GLI2: variants seen among roughly 807,000 people sequenced by gnomAD.
The protein encoded by GLI2 is transcription activator GLI2.
GLI2 carries 22 observed loss-of-function variants against 78.9 expected under a neutral mutation model. That is an observed-to-expected ratio of 0.28 (90% confidence interval 0.20 to 0.40). The LOEUF is 0.40. GLI2 is among the 10% of genes least tolerant of loss of function. The pLI is 1.00. For synonymous variants in GLI2, 974 were observed against 963.7 expected (o/e 1.01, Z -0.20); for missense variants, 2,097 against 2,213.2 (o/e 0.95, Z 1.05).
chr2:120,913,467 T>C (rs1216710869), intron 2 of GLI2, among the ~76,000 whole-genome samples: 1 of 152,242 alleles, frequency 6.6e-6, no homozygotes, highest in Non-Finnish European at 1.5e-5. Flanking sequence ...TTTAGTTTTT[T>C]TTAAATGTGG....
At chr2:120,822,793 G>C (rs1685844195) in intron 2 of GLI2, among the ~76,000 whole-genome samples, 1 of 152,162 alleles carries the variant, frequency 6.6e-6, no homozygotes, top group Non-Finnish European at 1.5e-5. Context: ...AACTCCCTGG[G>C]CTTTTGAAAT....
chr2:120,958,011 G>A (rs967340650), intron 5 of GLI2, among the ~76,000 whole-genome samples: 1 of 152,176 alleles, frequency 6.6e-6, no homozygotes, highest in Admixed American at 6.5e-5. Flanking sequence ...GGCCAGCCGG[G>A]CCAGGTGGAC....
At chr2:120,875,980 C>T (rs1688716587) in intron 2 of GLI2, among the ~76,000 whole-genome samples, 1 of 152,138 alleles carries the variant, frequency 6.6e-6, no homozygotes, top group South Asian at 2.1e-4. Flanking sequence ...ATGGACTGTT[C>T]AGTAGGCAGT....
intron 2 of GLI2, among the ~76,000 whole-genome samples, chr2:120,812,777 CTG>C (rs1374754953): frequency 2.0e-5 from 3 of 152,202 alleles, no homozygotes; most frequent in South Asian, 2.1e-4. Context: ...TTCTCCTGGG[CTG>C]TGTTTTTCAG....
intron 2 of GLI2, 59 bp from the exon 3 acceptor site, chr2:120,927,302 T>C: frequency 2.5e-6 from 3 of 1,219,084 alleles, no homozygotes; most frequent in South Asian, 2.4e-5. Context: ...CCTTTGAAAG[T>C]AGCTTTTTGA....
intron 2 of GLI2, among the ~76,000 whole-genome samples, chr2:120,821,538 G>A (rs969173968): frequency 1.2e-4 from 19 of 152,122 alleles, no homozygotes; most frequent in Non-Finnish European, 2.4e-4. Context: ...CTCATCAAAC[G>A]TGAGGATGAG....
chr2:120,749,377 T>TA (rs1013103902), intron 1 of GLI2, among the ~76,000 whole-genome samples: 47 of 151,148 alleles, frequency 3.1e-4, no homozygotes, highest in Non-Finnish European at 4.4e-4. Context: ...AGCTGTATTT[T>TA]AAAAAAAAAA....
chr2:120,950,139 C>T (rs949628901), intron 3 of GLI2, among the ~76,000 whole-genome samples: 3 of 152,206 alleles, frequency 2.0e-5, no homozygotes, highest in Admixed American at 1.3e-4. Context: ...CCCTATGAAA[C>T]AGACACTATT....
chr2:120,897,130 C>T (rs935870129), intron 2 of GLI2, among the ~76,000 whole-genome samples: 9 of 152,218 alleles, frequency 5.9e-5, no homozygotes, highest in Admixed American at 2.6e-4. Flanking sequence ...CCCACTGACA[C>T]GCTCCAGCCG....
chr2:120,958,007 C>CCGGGCCAGGTGGACTTGAGCT (rs1184169573), intron 5 of GLI2, among the ~76,000 whole-genome samples: 4 of 152,154 alleles, frequency 2.6e-5, no homozygotes, highest in Non-Finnish European at 5.9e-5. Flanking sequence ...GGAGGGCCAG[C>CCGGGCCAGGTGGACTTGAGCT]CGGGCCAGGT....
chr2:120,929,999 A>G (rs1426077696), intron 3 of GLI2, among the ~76,000 whole-genome samples: 1 of 152,216 alleles, frequency 6.6e-6, no homozygotes, highest in East Asian at 1.9e-4. Context: ...TTTCTTGCTC[A>G]TGAGTCATGT....
intron 2 of GLI2, among the ~76,000 whole-genome samples, chr2:120,890,240 G>T (rs2104746339): frequency 6.6e-6 from 1 of 152,252 alleles, no homozygotes; most frequent in Middle Eastern, 3.4e-3. Context: ...TTCCATTTAT[G>T]TAACATGTTT....
chr2:120,802,674 G>GATAA (rs1684757603), intron 2 of GLI2, among the ~76,000 whole-genome samples: 1 of 152,134 alleles, frequency 6.6e-6, no homozygotes, highest in South Asian at 2.1e-4. Flanking sequence ...GAGCCTCTGG[G>GATAA]ATAATATGAA....
chr2:120,914,870 CT>C lies in GLI2; in HGVS notation c.149-12489del, dbSNP rs532367089. The stretch of plus-strand genomic sequence containing the variant: ...TCGGTGAGTCAGCAATCAAGCCAGA[CT>C]TGGCTGTGGCACTGGCGGCAGCCTC... On this transcript the variant is annotated intron_variant, in intron 2 of 13. Transcript: ENST00000361492. Among the ~76,000 whole-genome samples the C allele has an allele frequency of 2.0e-5, 3 of 152,358 alleles. No individual in the cohort carries two copies. The South Asian group carries it at 6.2e-4, about 32-fold the overall frequency.
intron 1 of GLI2, among the ~76,000 whole-genome samples, chr2:120,760,958 G>A (rs923861042): frequency 6.6e-6 from 1 of 152,188 alleles, no homozygotes; most frequent in Non-Finnish European, 1.5e-5. Flanking sequence ...CTGCTGAGGT[G>A]GGCCTTGTCC....
intron 3 of GLI2, among the ~76,000 whole-genome samples, chr2:120,937,401 C>T (rs1680249041): frequency 6.6e-6 from 1 of 152,188 alleles, no homozygotes. Flanking sequence ...CCTTCTACCT[C>T]CAGGAGGCAC....
At chr2:120,855,898 A>G (rs1301881061) in intron 2 of GLI2, among the ~76,000 whole-genome samples, 7 of 152,172 alleles carry the variant, frequency 4.6e-5, no homozygotes, top group African/African-American at 1.7e-4. Context: ...AGGAAGGCAC[A>G]CATATGTTCT....
At chr2:120,884,081 G>C (rs1036021160) in intron 2 of GLI2, among the ~76,000 whole-genome samples, 2 of 152,182 alleles carry the variant, frequency 1.3e-5, no homozygotes, top group African/African-American at 4.8e-5. Flanking sequence ...GGGGCCAGGG[G>C]CAGCTCAGTG....
Position 120,797,507 on chromosome 2 carries a change from G to GT in GLI2, c.148+44dup, listed in dbSNP as rs756484355. On this transcript the variant is annotated intron_variant, in intron 2 of 13. Transcript: ENST00000361492. ...CGCACACTTGGAGGGCAGCAGGGGT[G>GT]TTTTTCATTAGCCCGTTAGGATTTA... The GT allele has an allele frequency of 3.8e-6, 6 of 1,593,096 alleles. No individual in the cohort carries two copies. The African/African-American group carries it at 8.1e-5, about 21-fold the overall frequency.
Sources: allele counts gnomAD v4.1 joint callset (sites outside exome capture counted in the v4.1 genomes callset), GRCh38; gene constraint gnomAD v4.1.1; transcripts MANE v1.5; gene names NCBI Gene and HGNC (gene_info 2026-07-23, HGNC 2026-07-21).